TBXAS1: variants seen among roughly 807,000 people sequenced by gnomAD.
TBXAS1 encodes the protein thromboxane-A synthase.
Under a neutral mutation model 60.7 loss-of-function variants are expected in TBXAS1, and 48 were observed. The ratio of observed to expected loss-of-function variants is 0.79; its 90% CI spans 0.63 to 1.01. The LOEUF (loss-of-function observed/expected upper bound fraction) is 1.01. TBXAS1 is among the 50% of genes least tolerant of loss of function. The pLI is 0.00. For synonymous variants in TBXAS1, 287 were observed against 269.7 expected (o/e 1.06, Z -0.63); for missense variants, 685 against 686.3 (o/e 1.00, Z 0.02).
chr7:139,814,177 T>C (rs1798092061), intron 4 of TBXAS1, among the ~76,000 whole-genome samples: 1 of 152,214 alleles, frequency 6.6e-6, no homozygotes, highest in African/African-American at 2.4e-5. Context: ...ACAGTCTCTA[T>C]CGACCCTCAG....
intron 1 of TBXAS1, among the ~76,000 whole-genome samples, chr7:139,842,305 G>A (rs1364920907): frequency 6.6e-6 from 1 of 152,218 alleles, no homozygotes; most frequent in Non-Finnish European, 1.5e-5. Context: ...TCAGATTGAT[G>A]TGTGTCCATT....
chr7:140,005,067 G>C (rs772165873), intron 9 of TBXAS1, among the ~76,000 whole-genome samples: 1 of 152,234 alleles, frequency 6.6e-6, no homozygotes, highest in Non-Finnish European at 1.5e-5. Flanking sequence ...AGGCAGCTGA[G>C]AGCTGGTCGT....
intron 1 of TBXAS1, among the ~76,000 whole-genome samples, chr7:139,832,246 G>C (rs1221137207): frequency 6.6e-6 from 1 of 152,128 alleles, no homozygotes; most frequent in African/African-American, 2.4e-5. Context: ...AATATTCAAT[G>C]AAATAGATAG....
At position 139,829,312 on chromosome 7, in the gene TBXAS1, A is replaced by G; in HGVS notation, c.-79A>G. The G allele has an allele frequency of 7.3e-7, 1 of 1,369,490 alleles. No homozygotes were observed. Among genetic ancestry groups the G allele is most frequent in the Non-Finnish European group, 1.0e-6 (1 of 974,192 alleles). The allele number at this position is 1,369,490 out of a possible 1,614,324, so 84.8% of individuals were successfully genotyped here. A position where few individuals can be genotyped will look rare whatever the true frequency, so the allele number is the denominator to read the frequency against. Reference sequence around the variant, plus strand: ...TGCCTGTTCCCTTTTCTACCTGCAGAGCACGGTTCCCATAAGGGCGGCGAG... The same window carrying G: ...TGCCTGTTCCCTTTTCTACCTGCAGGGCACGGTTCCCATAAGGGCGGCGAG... On this transcript the variant is annotated 5_prime_UTR_variant, in exon 1 of 13. Transcript: ENST00000448866.
In TBXAS1 at chr7:140,013,820, C is replaced by G. The variant is rs1814806202; in HGVS notation, c.1227-1903C>G. On this transcript the variant is annotated intron_variant, in intron 10 of 12. Transcript: ENST00000448866. The surrounding 1 kb of genome is among the most constrained non-coding windows in gnomAD (Gnocchi z 4.2). ...CAGCCTCCAACACACCTGACCTGCT[C>G]ATGGCCTTAATCCCAAACCCAGGTC... is the stretch of plus-strand genomic sequence containing the variant. Among the ~76,000 whole-genome samples the G allele has an allele frequency of 6.6e-6, 1 of 152,268 alleles. No individual in the cohort carries two copies. Among genetic ancestry groups the G allele is most frequent in the Admixed American group, 6.5e-5 (1 of 15,292 alleles).
chr7:139,972,663 A>G (rs1033945287), intron 9 of TBXAS1, among the ~76,000 whole-genome samples: 2 of 152,148 alleles, frequency 1.3e-5, no homozygotes, highest in East Asian at 1.9e-4. Context: ...CTTGTCCCCA[A>G]AAAACCTTTT....
At chr7:139,807,545 T>G (rs6980375) in intron 4 of TBXAS1, among the ~76,000 whole-genome samples, 105,459 of 151,912 alleles carry the variant, frequency 0.69, 38,240 homozygotes, top group East Asian at 0.92. Flanking sequence ...CATCATGCCC[T>G]GCTAATTTTT....
intron 1 of TBXAS1, among the ~76,000 whole-genome samples, chr7:139,854,949 G>A (rs940142895): frequency 8.5e-5 from 13 of 152,074 alleles, no homozygotes; most frequent in South Asian, 2.1e-4. Flanking sequence ...TCACACCTCC[G>A]CATCCTGCTC....
chr7:139,992,971 G>C (rs535384695), intron 9 of TBXAS1, among the ~76,000 whole-genome samples: 1 of 152,226 alleles, frequency 6.6e-6, no homozygotes, highest in South Asian at 2.1e-4. Flanking sequence ...AGGAGTTTGA[G>C]ACCAGCCTGG....
rs1296084577 is a variant in TBXAS1 at position 139,936,211 on chromosome 7, G to A, written c.354G>A (p.Lys118=). The A allele has an allele frequency of 1.2e-6, 2 of 1,614,218 alleles. No homozygotes were observed. The highest frequency in any genetic ancestry group is 1.7e-6 in the Non-Finnish European group (2 of 1,180,038). ...AACAGGCGTCGGGTTTGGAGTTCAA[G>A]TCGGTAGCCGACAGCGTTCTGTTTT... is the stretch of plus-strand genomic sequence containing the variant. ...TNRMASGLEF[K]SVADSVLFLR... The change falls in exon 5 of 13, where the codon AAG becomes AAA. Residue 118 remains lysine (K), a synonymous_variant. Transcript: ENST00000448866.
chr7:139,929,070 G>A (rs1182969460), intron 4 of TBXAS1, among the ~76,000 whole-genome samples: 1 of 152,164 alleles, frequency 6.6e-6, no homozygotes, highest in Non-Finnish European at 1.5e-5. Flanking sequence ...CATGGTCAAG[G>A]GTCTAACGGA....
chr7:139,906,824 T>C (rs77042497), intron 3 of TBXAS1, among the ~76,000 whole-genome samples: 1 of 152,238 alleles, frequency 6.6e-6, no homozygotes, highest in South Asian at 2.1e-4. Flanking sequence ...TGTGCTTTCA[T>C]TTGGTTTACA....
At chr7:139,930,591 C>T (rs919328321) in intron 4 of TBXAS1, among the ~76,000 whole-genome samples, 7 of 152,170 alleles carry the variant, frequency 4.6e-5, no homozygotes, top group Non-Finnish European at 1.0e-4. Flanking sequence ...GTAGCAAATG[C>T]AACCCGAGCT....
intron 9 of TBXAS1, among the ~76,000 whole-genome samples, chr7:139,994,796 C>T (rs1351088496): frequency 2.0e-5 from 3 of 152,138 alleles, no homozygotes; most frequent in Non-Finnish European, 2.9e-5. Context: ...ATTTAACCCA[C>T]GGAGAAAAGA....
intron 10 of TBXAS1, among the ~76,000 whole-genome samples, chr7:140,010,044 A>C (rs1169378583): frequency 1.6e-4 from 4 of 25,776 alleles, no homozygotes; most frequent in South Asian, 1.4e-3. Flanking sequence ...CTCCACACCC[A>C]CACCACACCC....
At position 139,937,885 on chromosome 7, in the gene TBXAS1, A is replaced by G. The variant is rs951901447; in HGVS notation, c.450+1578A>G. 2.2e-5 allele frequency among the ~76,000 whole-genome samples: 3 copies of G among 137,128 alleles called. No individual in the cohort carries two copies. The East Asian group carries it at 7.4e-4, about 34-fold the overall frequency. 90.0% of individuals were successfully genotyped at this position (137,128 alleles called of 152,430 possible). The stretch of plus-strand genomic sequence containing the variant: ...GTGCCAGGGGCTGTCTGGAGGATGC[A>G]GGAAGGGGAAGTGTAGCAAATGGGG... On this transcript the variant is annotated intron_variant, in intron 5 of 12. Coordinates refer to ENST00000448866, the MANE Select transcript of TBXAS1 (RefSeq NM_001061.7).
At chr7:139,932,202 T>G (rs2117167568) in intron 4 of TBXAS1, among the ~76,000 whole-genome samples, 2 of 150,956 alleles carry the variant, frequency 1.3e-5, no homozygotes, top group Non-Finnish European at 1.5e-5. Context: ...AGATGGTGGA[T>G]TTTATGTTAC....
intron 1 of TBXAS1, among the ~76,000 whole-genome samples, chr7:139,863,913 G>C (rs2116738407): frequency 6.6e-6 from 1 of 152,280 alleles, no homozygotes; most frequent in Middle Eastern, 3.4e-3. Context: ...GCTAGGAGTA[G>C]AAGGAAATAT....
At chr7:139,925,225 A>C (rs1000837146) in intron 4 of TBXAS1, among the ~76,000 whole-genome samples, 1 of 152,140 alleles carries the variant, frequency 6.6e-6, no homozygotes, top group Non-Finnish European at 1.5e-5. Flanking sequence ...GAATCTGTAG[A>C]TTGTTTTAGG....
Sources: gnomAD v4.1 joint callset for allele counts (sites outside exome capture counted in the v4.1 genomes callset) on GRCh38, gnomAD v4.1.1 for gene constraint, Gnocchi (gnomAD v3.1) non-coding constraint, MANE v1.5 for transcripts, NCBI Gene and HGNC (gene_info 2026-07-23, HGNC 2026-07-21) for gene names.